SIPA1L1: variants seen among roughly 807,000 people sequenced by gnomAD.
SIPA1L1 encodes the protein signal-induced proliferation-associated 1-like protein 1.
A neutral mutation model predicts 162.7 loss-of-function variants in SIPA1L1; 26 were observed. That is an observed-to-expected ratio of 0.16 (90% CI 0.12 to 0.22). SIPA1L1 has a LOEUF of 0.22. SIPA1L1 is among the 10% of genes least tolerant of loss of function. SIPA1L1 has a pLI of 1.00. For synonymous variants in SIPA1L1, 829 were observed against 837.4 expected (o/e 0.99, Z 0.17); for missense variants, 1,874 against 2,241.0 (o/e 0.84, Z 3.31).
chr14:71,703,719 T>TA (rs1374634389), intron 15 of SIPA1L1, among the ~76,000 whole-genome samples: 1 of 152,212 alleles, frequency 6.6e-6, no homozygotes, highest in Non-Finnish European at 1.5e-5. Context: ...TTTTGGCTCC[T>TA]AGTGCAGGCT....
At chr14:71,573,194 C>G (rs1395991746) in intron 4 of SIPA1L1, among the ~76,000 whole-genome samples, 2 of 152,172 alleles carry the variant, frequency 1.3e-5, no homozygotes, top group African/African-American at 4.8e-5. Context: ...CCTTTAACTA[C>G]TATGTATATT....
intron 2 of SIPA1L1, among the ~76,000 whole-genome samples, chr14:71,445,433 C>CT (rs1385972033): frequency 1.3e-5 from 2 of 151,704 alleles, no homozygotes; most frequent in Non-Finnish European, 2.9e-5. Flanking sequence ...AAAATAAAGT[C>CT]TAAGTTTTTT....
chr14:71,604,336 T>A (rs1417612744), intron 5 of SIPA1L1, among the ~76,000 whole-genome samples: 1 of 152,038 alleles, frequency 6.6e-6, no homozygotes, highest in African/African-American at 2.4e-5. Context: ...AGGGATGAAG[T>A]CTCACTATGT....
At chr14:71,551,947 C>G (rs1384689865) in intron 4 of SIPA1L1, among the ~76,000 whole-genome samples, 4 of 152,108 alleles carry the variant, frequency 2.6e-5, no homozygotes, top group Non-Finnish European at 5.9e-5. Flanking sequence ...TTTAAAGTAG[C>G]CAGCCAGCCA....
chr14:71,624,180 T>C lies in SIPA1L1; in HGVS notation c.1762T>C (p.Leu588=), dbSNP rs1263946205. 7 of 1,614,182 alleles carry C rather than the reference T, an allele frequency of 4.3e-6. No individual in the cohort carries two copies. Among genetic ancestry groups the C allele is most frequent in the East Asian group, 2.2e-5 (1 of 44,886 alleles). ...VPELNVQCLR[L]AFNTPKVTEQ... is the part of the protein sequence containing the mutation. ...TGAGCTCAATGTCCAGTGCCTGCGG[T>C]TGGCCTTCAACACACCCAAGGTCAC... Residue 588 remains leucine (L), a synonymous_variant, in exon 7 of 24, where the codon TTG becomes CTG. Coordinates refer to ENST00000381232, the MANE Select transcript of SIPA1L1 (RefSeq NM_001386936.1).
chr14:71,656,584 G>C (rs1368697650), intron 8 of SIPA1L1, among the ~76,000 whole-genome samples: 2 of 152,150 alleles, frequency 1.3e-5, no homozygotes, highest in East Asian at 3.9e-4. Flanking sequence ...ATACTTAGAA[G>C]ATATTTTTCT....
Position 71,376,316 on chromosome 14 carries a change from ATAGT to A in SIPA1L1, c.-465+55138_-465+55141del, listed in dbSNP as rs1183881031. ...CATGTAAGTTGTTGAGTTTGTTGGCATAGTTAAACATTGTGTTCTCTTATAATCT... is the reference window on the plus strand; with the variant it reads ...CATGTAAGTTGTTGAGTTTGTTGGCATAAACATTGTGTTCTCTTATAATCT... On this transcript the variant is annotated intron_variant, in intron 2 of 23. Transcript: ENST00000381232. Among the ~76,000 whole-genome samples, 9 of 151,124 alleles carry A rather than the reference ATAGT, an allele frequency of 6.0e-5. No individual in the cohort carries two copies. The East Asian group carries it at 1.7e-3, about 29-fold the overall frequency.
At chr14:71,359,296 C>T (rs528119604) in intron 2 of SIPA1L1, among the ~76,000 whole-genome samples, 10 of 152,314 alleles carry the variant, frequency 6.6e-5, no homozygotes, top group African/African-American at 1.7e-4. Flanking sequence ...CTTCACCTTC[C>T]GCCATGATTG....
chr14:71,700,264 A>C (rs960107055), intron 14 of SIPA1L1, among the ~76,000 whole-genome samples: 1 of 151,586 alleles, frequency 6.6e-6, no homozygotes, highest in Non-Finnish European at 1.5e-5. Context: ...AATAAAAGCA[A>C]GTGGGCACTG....
chr14:71,723,376 A>T (rs1425292783), intron 17 of SIPA1L1, among the ~76,000 whole-genome samples: 1 of 152,218 alleles, frequency 6.6e-6, no homozygotes, highest in African/African-American at 2.4e-5. Flanking sequence ...GCCAATGTGA[A>T]AAAAGTGAAA....
intron 2 of SIPA1L1, among the ~76,000 whole-genome samples, chr14:71,406,567 T>C (rs1166612332): frequency 6.6e-6 from 1 of 151,354 alleles, no homozygotes; most frequent in Admixed American, 6.6e-5. Flanking sequence ...GTTGCCTCAA[T>C]AACAGTAAAT....
intron 2 of SIPA1L1, among the ~76,000 whole-genome samples, chr14:71,501,845 A>G (rs866222851): frequency 6.6e-6 from 1 of 152,096 alleles, no homozygotes; most frequent in African/African-American, 2.4e-5. Flanking sequence ...GTCTCAAACC[A>G]TGGCGAAACC....
chr14:71,455,165 A>G (rs2046099432), intron 2 of SIPA1L1, among the ~76,000 whole-genome samples: 1 of 152,222 alleles, frequency 6.6e-6, no homozygotes, highest in African/African-American at 2.4e-5. Flanking sequence ...GAAAATCATT[A>G]TAGTGTTAAC....
chr14:71,358,659 G>C (rs901486717), intron 2 of SIPA1L1, among the ~76,000 whole-genome samples: 1 of 152,136 alleles, frequency 6.6e-6, no homozygotes, highest in African/African-American at 2.4e-5. Flanking sequence ...TCTTGCACTA[G>C]TATAAATAAA....
intron 8 of SIPA1L1, among the ~76,000 whole-genome samples, chr14:71,656,940 C>T (rs1271311995): frequency 6.6e-6 from 1 of 152,242 alleles, no homozygotes; most frequent in East Asian, 1.9e-4. Context: ...TTTAGCTCCA[C>T]AGCTGATGCT....
chr14:71,702,241 G>T lies in SIPA1L1; in HGVS notation c.3522-140G>T. 1.4e-5 allele frequency: 11 copies of T among 793,296 alleles called. No individual in the cohort carries two copies. The South Asian group carries it at 1.9e-4, about 14-fold the overall frequency. 49.1% of individuals were successfully genotyped at this position (793,296 alleles called of 1,614,324 possible). ...TCCACACCCACGTAAACACGAACCAGGGTGTGTATACAAGTACAGACACAT... is the reference window on the plus strand; with the variant it reads ...TCCACACCCACGTAAACACGAACCATGGTGTGTATACAAGTACAGACACAT... On this transcript the variant is annotated intron_variant, in intron 14 of 23. Coordinates refer to ENST00000381232, the MANE Select transcript of SIPA1L1 (RefSeq NM_001386936.1).
intron 5 of SIPA1L1, among the ~76,000 whole-genome samples, chr14:71,607,849 T>C (rs1209077785): frequency 6.6e-6 from 1 of 152,204 alleles, no homozygotes; most frequent in Non-Finnish European, 1.5e-5. Flanking sequence ...GATTTCCATA[T>C]TCCAGTGAGT....
At chr14:71,411,281 T>G (rs1236900471) in intron 2 of SIPA1L1, among the ~76,000 whole-genome samples, 1 of 152,236 alleles carries the variant, frequency 6.6e-6, no homozygotes, top group Non-Finnish European at 1.5e-5. Flanking sequence ...GTTTTTTATT[T>G]AAAGACTTAC....
chr14:71,398,823 T>C (rs1481741770), intron 2 of SIPA1L1, among the ~76,000 whole-genome samples: 1 of 152,222 alleles, frequency 6.6e-6, no homozygotes, highest in Admixed American at 6.5e-5. Context: ...CTTTTACATA[T>C]CTTTCTCTGT....
Sources: allele counts gnomAD v4.1 joint callset (sites outside exome capture counted in the v4.1 genomes callset), GRCh38; gene constraint gnomAD v4.1.1; transcripts MANE v1.5; gene names NCBI Gene and HGNC (gene_info 2026-07-23, HGNC 2026-07-21).